CEMIP2: variants seen among roughly 807,000 people sequenced by gnomAD.
CEMIP2 encodes cell migration inducing hyaluronidase 2.
Under a neutral mutation model 146.9 loss-of-function variants are expected in CEMIP2, and 79 were observed. That is an observed-to-expected ratio of 0.54 (90% CI 0.45 to 0.65). CEMIP2 has a LOEUF of 0.65. CEMIP2 is among the 30% of genes least tolerant of loss of function. CEMIP2 has a pLI of 0.00. For synonymous variants in CEMIP2, 601 were observed against 606.3 expected (o/e 0.99, Z 0.13); for missense variants, 1,596 against 1,696.2 (o/e 0.94, Z 1.04).
chr9:71,754,718 G>A (rs1490045957), intron 1 of CEMIP2, among the ~76,000 whole-genome samples: 1 of 152,008 alleles, frequency 6.6e-6, no homozygotes, highest in Non-Finnish European at 1.5e-5. Context: ...GAGTCGTTTT[G>A]TGAGTATTTA....
intron 1 of CEMIP2, among the ~76,000 whole-genome samples, chr9:71,755,346 TACACACACACACACACAC>T (rs34581447): frequency 7.4e-6 from 1 of 134,872 alleles, no homozygotes; most frequent in Non-Finnish European, 1.6e-5. Flanking sequence ...ACCCTGTCTC[TACACACACACACACACAC>T]ACACACACAC....
rs146273026 is a variant in CEMIP2 at position 71,725,427 on chromosome 9, A to G, written c.2178+154T>C. On this transcript the variant is annotated intron_variant, in intron 11 of 23. Transcript: ENST00000377044. ...CTTGATCTTGGACTTCCCAGCCTTC[A>G]GAAGTGTGAGCCAAATAAATTGCTG... 5.0e-3 allele frequency among the ~76,000 whole-genome samples: 769 copies of G among 152,322 alleles called. 8 individuals are homozygous for G. The highest frequency in any genetic ancestry group is 0.017 in the Middle Eastern group (5 of 294).
chr9:71,712,318 A>G (rs1256818593), intron 15 of CEMIP2, 58 bp from the exon 16 acceptor site: 2 of 1,533,934 alleles, frequency 1.3e-6, no homozygotes, highest in African/African-American at 2.8e-5. Flanking sequence ...GCAGCACTTC[A>G]CTTACTTGTT....
rs71353514 is a variant in CEMIP2, at chr9:71,735,001, C to CAA, written c.1205-9_1205-8dup. 1.0e-4 allele frequency: 150 copies of CAA among 1,469,870 alleles called. No individual in the cohort carries two copies. In the African/African-American group the frequency reaches 1.6e-3, roughly 16 times the overall value. 91.1% of individuals were successfully genotyped at this position (1,469,870 alleles called of 1,614,324 possible). A position where few individuals can be genotyped will look rare whatever the true frequency, so the allele number is the denominator to read the frequency against. ...AATCCTGAAAGAGAAACGCCTAAAC[C>CAA]AAAAAAAAAAAAAAGAAAAAGAAAG... On this transcript the variant is annotated splice_region_variant and splice_polypyrimidine_tract_variant and intron_variant, in intron 5 of 23. Coordinates refer to ENST00000377044, the MANE Select transcript of CEMIP2 (RefSeq NM_013390.3).
In CEMIP2 at chr9:71,740,101, T is replaced by C. The variant is rs145260644; in HGVS notation, c.1166A>G (p.Gln389Arg). 88 of 1,613,958 alleles carry C rather than the reference T, an allele frequency of 5.5e-5. No individual in the cohort carries two copies. The highest frequency in any genetic ancestry group is 7.2e-5 in the Non-Finnish European group (85 of 1,180,018). ...AQREFYTVDG[Q>R]KFSVTAYSEW... ...ACTATAAGCTGTCACAGAGAACTTC[T>C]GGCCATCCACAGTATAAAATTCTCT... is the stretch of plus-strand genomic sequence containing the variant. Residue 389 changes from glutamine (Q) to arginine (R), a missense_variant, in exon 5 of 24, where the codon CAG becomes CGG. Transcript: ENST00000377044.
At chr9:71,748,055 T>C (rs1026034268) in intron 2 of CEMIP2, among the ~76,000 whole-genome samples, 2 of 152,166 alleles carry the variant, frequency 1.3e-5, no homozygotes, top group Admixed American at 1.3e-4. Flanking sequence ...CCTCTTCCCA[T>C]ACAACATCTA....
chr9:71,693,386 C>A (rs531967697), intron 21 of CEMIP2, among the ~76,000 whole-genome samples: 2 of 152,334 alleles, frequency 1.3e-5, no homozygotes, highest in African/African-American at 4.8e-5. Context: ...TGCGCAAATG[C>A]TAGTGTTGAC....
chr9:71,743,822 T>G (rs986567818), intron 4 of CEMIP2, among the ~76,000 whole-genome samples: 3 of 152,192 alleles, frequency 2.0e-5, no homozygotes, highest in African/African-American at 7.2e-5. Context: ...TCTTCACTAT[T>G]TTTTGTCTTT....
chr9:71,709,356 G>A lies in CEMIP2; in HGVS notation c.2888C>T (p.Ala963Val), dbSNP rs1191982008. The change falls in exon 17 of 24, where the codon GCT becomes GTT. Residue 963 changes from alanine to valine, a missense_variant. Physicochemically the swap from Ala to Val is moderately conservative, Grantham distance 64 (BLOSUM62 0). Transcript: ENST00000377044. ...GTAGTTGTCCATTCTTCCCACATAAGCATCCTTGTATCCTGTCACAGAGCC... is the reference window on the plus strand; with the variant it reads ...GTAGTTGTCCATTCTTCCCACATAAACATCCTTGTATCCTGTCACAGAGCC... ...IDGSVTGYKD[A>V]YVGRMDNYLI... 3.7e-6 allele frequency: 6 copies of A among 1,614,074 alleles called. No homozygotes were observed. Among genetic ancestry groups the A allele is most frequent in the Middle Eastern group, 1.6e-4 (1 of 6,062 alleles).
chr9:71,759,009 G>A (rs1323617583), intron 1 of CEMIP2, among the ~76,000 whole-genome samples: 1 of 152,082 alleles, frequency 6.6e-6, no homozygotes, highest in Non-Finnish European at 1.5e-5. Flanking sequence ...ACTCTGCACA[G>A]TTAGTTTACT....
chr9:71,737,948 A>G (rs1031336874), intron 5 of CEMIP2, among the ~76,000 whole-genome samples: 2 of 152,208 alleles, frequency 1.3e-5, no homozygotes, highest in African/African-American at 4.8e-5. Flanking sequence ...ACCGTGAGAG[A>G]CAGGAGCTAT....
At chr9:71,699,888 G>A (rs1464434934) in intron 19 of CEMIP2, among the ~76,000 whole-genome samples, 1 of 152,144 alleles carries the variant, frequency 6.6e-6, no homozygotes, top group South Asian at 2.1e-4. Flanking sequence ...ATAGAACCGA[G>A]AGCATTCAAC....
At chr9:71,716,473 T>G (rs751000214) in intron 14 of CEMIP2, 44 bp downstream of exon 14, 1 of 1,485,768 alleles carries the variant, frequency 6.7e-7, no homozygotes, top group South Asian at 1.2e-5. Flanking sequence ...CAAGGGTTAT[T>G]TTAAAGCTTT....
At chr9:71,724,828 A>C (rs911356217) in intron 11 of CEMIP2, among the ~76,000 whole-genome samples, 1 of 152,208 alleles carries the variant, frequency 6.6e-6, no homozygotes, top group Non-Finnish European at 1.5e-5. Context: ...AATCAAAAAG[A>C]AGAGATGAAT....
chr9:71,728,251 GTATATACACGTATA>G (rs1564012234), intron 10 of CEMIP2, among the ~76,000 whole-genome samples: 5 of 14,280 alleles, frequency 3.5e-4, no homozygotes, highest in African/African-American at 1.2e-3. Flanking sequence ...ATATATATAT[GTATATACACGTATA>G]TATATATATA....
In CEMIP2 at chr9:71,746,451, T is replaced by C. The variant is rs866254916; in HGVS notation, c.332-110A>G. ...GATCTGCAAAAAATGTGCTAACATATGTTGATTTCCTGCCATTAGAATGGA... is the reference window on the plus strand; with the variant it reads ...GATCTGCAAAAAATGTGCTAACATACGTTGATTTCCTGCCATTAGAATGGA... On this transcript the variant is annotated intron_variant, in intron 2 of 23. Transcript: ENST00000377044. The C allele has an allele frequency of 1.8e-5, 24 of 1,324,674 alleles. 1 individual carries two copies. In the Middle Eastern group the frequency reaches 7.4e-4, roughly 41 times the overall value. 82.1% of individuals were successfully genotyped at this position (1,324,674 alleles called of 1,614,324 possible). A position where few individuals can be genotyped will look rare whatever the true frequency, so the allele number is the denominator to read the frequency against.
chr9:71,744,106 G>A (rs1019843439), intron 4 of CEMIP2, among the ~76,000 whole-genome samples: 1 of 152,204 alleles, frequency 6.6e-6, no homozygotes, highest in African/African-American at 2.4e-5. Context: ...TGGGTGTGGT[G>A]GTTCATGCCT....
intron 13 of CEMIP2, among the ~76,000 whole-genome samples, chr9:71,717,095 A>T (rs4745119): frequency 0.049 from 7,489 of 152,218 alleles, 273 homozygotes; most frequent in Admixed American, 0.1. Context: ...TTGCTTGAGC[A>T]TAGAAAGTTG....
At chr9:71,742,405 C>G (rs1029946789) in intron 4 of CEMIP2, among the ~76,000 whole-genome samples, 1 of 152,174 alleles carries the variant, frequency 6.6e-6, no homozygotes, top group East Asian at 1.9e-4. Flanking sequence ...TCTCTTCTAT[C>G]GACATTATCT....
Sources: allele counts gnomAD v4.1 joint callset (sites outside exome capture counted in the v4.1 genomes callset), GRCh38; gene constraint gnomAD v4.1.1; transcripts MANE v1.5; gene names NCBI Gene and HGNC (gene_info 2026-07-23, HGNC 2026-07-21).